The following ERMP1 variants were observed in gnomAD, a reference collection of about 807,000 sequenced individuals.
ERMP1 encodes endoplasmic reticulum metallopeptidase 1.
In ERMP1, 86 loss-of-function variants were observed where a neutral mutation model predicts 92.0. That is an observed-to-expected ratio of 0.93 (90% confidence interval 0.79 to 1.12). ERMP1 has a LOEUF of 1.12. Ranked by LOEUF, ERMP1 falls within the 50% of genes most tolerant of loss-of-function variation. ERMP1 has a pLI of 0.00. For synonymous variants in ERMP1, 530 were observed against 412.8 expected (o/e 1.28, Z -3.44); for missense variants, 1,342 against 1,116.3 (o/e 1.20, Z -2.88).
intron 11 of ERMP1, among the ~76,000 whole-genome samples, chr9:5,800,500 AC>A (rs1335969719): frequency 1.3e-5 from 2 of 152,140 alleles, no homozygotes; most frequent in Non-Finnish European, 2.9e-5. Context: ...ACGTAGTGAA[AC>A]CCTGTCTCCA....
chr9:5,832,914 A>T lies in ERMP1; in HGVS notation c.114T>A (p.Pro38=), dbSNP rs1404463779. 2.6e-6 allele frequency: 4 copies of T among 1,560,774 alleles called. No homozygotes were observed. Among genetic ancestry groups the T allele is most frequent in the Non-Finnish European group, 3.4e-6 (4 of 1,164,366 alleles). Residue 38 remains proline, a synonymous_variant, in exon 1 of 15, where the codon CCT becomes CCA. Transcript: ENST00000339450. ...PPEREARAQE[P]LVDGCSGGGR... ...CGCCGCCGCTGCACCCATCCACCAG[A>T]GGCTCCTGCGCTCGGGCCTCCCTCT...
intron 6 of ERMP1, among the ~76,000 whole-genome samples, chr9:5,811,731 T>G (rs879906885): frequency 6.6e-6 from 1 of 152,158 alleles, no homozygotes; most frequent in Non-Finnish European, 1.5e-5. Context: ...ATATCAGAAA[T>G]TTAGTGGTGA....
chr9:5,861,712 G>A (rs530347408), intron 5 of ERMP1, among the ~76,000 whole-genome samples: 2 of 127,834 alleles, frequency 1.6e-5, no homozygotes, highest in African/African-American at 5.6e-5. Context: ...GAGAAGAGAG[G>A]AAGGGTTTTT....
At chr9:5,838,721 G>A (rs534195814) in intron 6 of ERMP1, among the ~76,000 whole-genome samples, 99 of 151,732 alleles carry the variant, frequency 6.5e-4, no homozygotes, top group East Asian at 7.7e-4. Context: ...AGTTTGGAAC[G>A]TCATATATTA....
chr9:5,834,699 A>ATGTGTG (rs1323971917), upstream of ERMP1, among the ~76,000 whole-genome samples: 1 of 81,896 alleles, frequency 1.2e-5, no homozygotes, highest in Admixed American at 1.4e-4. Flanking sequence ...ATATGTATGT[A>ATGTGTG]TATATGTGTG....
intron 6 of ERMP1, among the ~76,000 whole-genome samples, chr9:5,848,812 T>A (rs1830270413): frequency 6.6e-6 from 1 of 152,090 alleles, no homozygotes; most frequent in Non-Finnish European, 1.5e-5. Context: ...GTGAGGCTAG[T>A]TGAATATCAC....
intron 2 of ERMP1, among the ~76,000 whole-genome samples, 165 bp downstream of exon 2, chr9:5,830,562 G>C (rs541805066): frequency 1.3e-5 from 2 of 152,302 alleles, no homozygotes; most frequent in South Asian, 4.1e-4. Context: ...AGAATGGTTA[G>C]ATCCTAAACT....
chr9:5,848,702 A>AT lies in ERMP1; in HGVS notation n.3199+10765_3199+10766insA, dbSNP rs1489815226. Among the ~76,000 whole-genome samples, 13 of 1,018 alleles carry AT rather than the reference A, an allele frequency of 0.013. No individual in the cohort carries two copies. The South Asian group carries it at 0.46, about 36-fold the overall frequency. The allele number at this position is 1,018 out of a possible 152,430, so 0.7% of individuals were successfully genotyped here. ...ATGACCTCTCTCTACCTCCACCCTG[A>AT]AAAATGCCTCTTGTTTGAAGGTTGT... On this transcript the variant is annotated intron_variant and non_coding_transcript_variant, in intron 6 of 6. Coordinates refer to the ERMP1 transcript ENST00000690753.
intron 6 of ERMP1, among the ~76,000 whole-genome samples, chr9:5,844,930 C>T (rs1184780886): frequency 3.9e-5 from 6 of 152,174 alleles, no homozygotes; most frequent in African/African-American, 1.4e-4. Flanking sequence ...AGCATGTCAG[C>T]CTTGTGGTTT....
At chr9:5,846,990 C>T (rs1041575003) in intron 6 of ERMP1, among the ~76,000 whole-genome samples, 1 of 152,242 alleles carries the variant, frequency 6.6e-6, no homozygotes, top group Admixed American at 6.5e-5. Flanking sequence ...GGTGCGATGG[C>T]CTCCCCCAAC....
intron 13 of ERMP1, among the ~76,000 whole-genome samples, chr9:5,792,498 C>T (rs1470287107): frequency 1.3e-5 from 2 of 152,160 alleles, no homozygotes; most frequent in Non-Finnish European, 2.9e-5. Context: ...AAAAGTTTTT[C>T]AGTAAATCTT....
intron 10 of ERMP1, 52 bp from the exon 11 acceptor site, chr9:5,801,380 G>C (rs1554621547): frequency 1.3e-6 from 2 of 1,558,482 alleles, no homozygotes; most frequent in Non-Finnish European, 1.7e-6. Flanking sequence ...TCTAGTGGTG[G>C]AAAGGTGTTT....
chr9:5,825,246 G>C (rs1829689726), intron 2 of ERMP1, 27 bp from the exon 3 acceptor site: 28 of 1,599,796 alleles, frequency 1.8e-5, no homozygotes, highest in Non-Finnish European at 2.4e-5. Flanking sequence ...CAAATTTGCT[G>C]CTCAGATTTT....
intron 12 of ERMP1, among the ~76,000 whole-genome samples, chr9:5,798,279 C>T (rs1163417888): frequency 2.0e-5 from 3 of 151,990 alleles, no homozygotes; most frequent in Non-Finnish European, 4.4e-5. Context: ...TGAAATGGCG[C>T]GATATCGGCT....
rs1271542543 is a variant in ERMP1 at position 5,847,878 on chromosome 9, G to C, written n.3199+11590C>G. 4.0e-5 allele frequency among the ~76,000 whole-genome samples: 6 copies of C among 149,894 alleles called. No individual in the cohort carries two copies. The East Asian group carries it at 1.2e-3, about 29-fold the overall frequency. On this transcript the variant is annotated intron_variant and non_coding_transcript_variant, in intron 6 of 6. Transcript: ENST00000690753. ...CCGCTGTACTCCAGCCCGGGCGACA[G>C]AGCGAGACTCCGTCTAAAAAAATAA...
chr9:5,844,852 T>C (rs984214702), intron 6 of ERMP1, among the ~76,000 whole-genome samples: 3 of 152,220 alleles, frequency 2.0e-5, no homozygotes, highest in African/African-American at 7.2e-5. Flanking sequence ...CACCATCTGC[T>C]ACAGAAACAA....
At chr9:5,822,189 T>C (rs1042944923) in intron 4 of ERMP1, among the ~76,000 whole-genome samples, 3 of 151,698 alleles carry the variant, frequency 2.0e-5, no homozygotes, top group African/African-American at 7.3e-5. Flanking sequence ...AAGGCAGAGG[T>C]TGCAGTGAGC....
intron 5 of ERMP1, among the ~76,000 whole-genome samples, chr9:5,860,525 C>G (rs1009389042): frequency 6.6e-6 from 1 of 151,844 alleles, no homozygotes; most frequent in South Asian, 2.1e-4. Context: ...TTGCTCATAA[C>G]GTAACCAATG....
At chr9:5,847,751 C>T (rs1251611874) in intron 6 of ERMP1, among the ~76,000 whole-genome samples, 3 of 151,568 alleles carry the variant, frequency 2.0e-5, no homozygotes, top group African/African-American at 4.8e-5. Context: ...AAAAATTAGC[C>T]GGGCGTGGTG....
Sources: allele counts gnomAD v4.1 joint callset (sites outside exome capture counted in the v4.1 genomes callset), GRCh38; gene constraint gnomAD v4.1.1; transcripts MANE v1.5; gene names NCBI Gene and HGNC (gene_info 2026-07-23, HGNC 2026-07-21).